PLD5: variants seen among roughly 807,000 people sequenced by gnomAD.
PLD5 encodes inactive phospholipase D5.
A neutral mutation model predicts 61.1 loss-of-function variants in PLD5; 36 were observed. That is an observed-to-expected ratio of 0.59 (90% CI 0.45 to 0.78). The LOEUF is 0.78. PLD5 is among the 30% of genes least tolerant of loss of function. The pLI, the probability that PLD5 is intolerant of heterozygous loss-of-function variation, is 0.00. For missense variants in PLD5, 515 were observed against 644.4 expected, an observed-to-expected ratio of 0.80 and a Z score of 2.17; for synonymous variants, 243 against 242.8, an observed-to-expected ratio of 1.00 and a Z score of -0.01.
At chr1:242,263,914 G>A (rs1673510137) in intron 4 of PLD5, among the ~76,000 whole-genome samples, 1 of 152,296 alleles carries the variant, frequency 6.6e-6, no homozygotes, top group Non-Finnish European at 1.5e-5. Flanking sequence ...TTTAACTTTT[G>A]GTTGAGTTTA....
chr1:242,176,488 A>T (rs74508736), intron 5 of PLD5, among the ~76,000 whole-genome samples: 1 of 152,246 alleles, frequency 6.6e-6, no homozygotes, highest in Admixed American at 6.5e-5. Context: ...AAATCCTAGA[A>T]GAAAACCTAG....
At chr1:242,186,183 CT>C (rs398050176) in intron 5 of PLD5, among the ~76,000 whole-genome samples, 16,151 of 139,032 alleles carry the variant, frequency 0.12, 1,115 homozygotes, top group South Asian at 0.26. Flanking sequence ...TATATATATA[CT>C]TTTTTTTTTC....
At chr1:242,093,002 C>T (rs1292550898) in intron 9 of PLD5, among the ~76,000 whole-genome samples, 2 of 152,186 alleles carry the variant, frequency 1.3e-5, no homozygotes, top group African/African-American at 2.4e-5. Flanking sequence ...CCCAACCCAT[C>T]ATCTGCCCCC....
intron 1 of PLD5, among the ~76,000 whole-genome samples, chr1:242,358,710 T>C (rs1419979098): frequency 6.6e-6 from 1 of 152,156 alleles, no homozygotes; most frequent in Non-Finnish European, 1.5e-5. Context: ...CTAAAGTTAA[T>C]TGGATTGTGA....
At position 242,085,067 on chromosome 1, in the gene PLD5, A is replaced by G. The variant is rs1354658128; in HGVS notation, c.*4787T>C. 1 of 151,946 alleles carries G rather than the reference A, an allele frequency of 6.6e-6. No individual in the cohort carries two copies. Among genetic ancestry groups the G allele is most frequent in the Non-Finnish European group, 1.5e-5 (1 of 67,984 alleles). The allele number at this position is 151,946 out of a possible 1,614,324, so 9.4% of individuals were successfully genotyped here. A position where few individuals can be genotyped will look rare whatever the true frequency, so the allele number is the denominator to read the frequency against. Reference sequence around the variant, plus strand: ...TCCCCCAAATTCAACCCTTTATCAAACCCATTTATTTAGGGATCTTAAGGT... The same window carrying G: ...TCCCCCAAATTCAACCCTTTATCAAGCCCATTTATTTAGGGATCTTAAGGT... On this transcript the variant is annotated 3_prime_UTR_variant, in exon 10 of 10. Transcript: ENST00000536534.
intron 5 of PLD5, among the ~76,000 whole-genome samples, chr1:242,155,580 T>A (rs1239031345): frequency 1.3e-5 from 2 of 152,204 alleles, no homozygotes; most frequent in Admixed American, 1.3e-4. Flanking sequence ...CAAGACCATC[T>A]TTATTTCTGC....
At chr1:242,379,216 C>T (rs1005912201) in intron 1 of PLD5, among the ~76,000 whole-genome samples, 1 of 152,106 alleles carries the variant, frequency 6.6e-6, no homozygotes, top group Non-Finnish European at 1.5e-5. Context: ...CTGAGGCCAC[C>T]CACATTCAGA....
At chr1:242,394,206 GTA>G (rs1285854255) in intron 1 of PLD5, among the ~76,000 whole-genome samples, 1 of 37,334 alleles carries the variant, frequency 2.7e-5, no homozygotes, top group East Asian at 6.6e-4. Flanking sequence ...ATATATATGT[GTA>G]TATGAGTATA....
At chr1:242,163,292 C>T (rs553980852) in intron 5 of PLD5, among the ~76,000 whole-genome samples, 15 of 151,910 alleles carry the variant, frequency 9.9e-5, no homozygotes, top group South Asian at 4.2e-4. Context: ...TACAGGCGCC[C>T]GCCACCACGC....
intron 2 of PLD5, among the ~76,000 whole-genome samples, chr1:242,333,331 T>A (rs147021007): frequency 6.6e-6 from 1 of 152,094 alleles, no homozygotes; most frequent in Admixed American, 6.5e-5. Flanking sequence ...AGGATTTACA[T>A]CTTAAAGGCT....
At position 242,291,623 on chromosome 1, in the gene PLD5, G is replaced by A. The variant is rs149118253; in HGVS notation, c.327-3093C>T. 6.4e-3 allele frequency among the ~76,000 whole-genome samples: 970 copies of A among 152,076 alleles called. 11 individuals are homozygous for A. Among genetic ancestry groups the A allele is most frequent in the African/African-American group, 0.022 (912 of 41,484 alleles). Reference sequence around the variant, plus strand: ...AAATTGAGACCATCTTGGCTAACACGGTGAAACCCCGTCTCTACTAAAAAT... The same window carrying A: ...AAATTGAGACCATCTTGGCTAACACAGTGAAACCCCGTCTCTACTAAAAAT... On this transcript the variant is annotated intron_variant, in intron 2 of 9. Coordinates refer to ENST00000536534, the MANE Select transcript of PLD5 (RefSeq NM_001372062.1).
rs893692905 is a variant in PLD5, at chr1:242,446,098, G to A, written c.189+77990C>T. On this transcript the variant is annotated intron_variant, in intron 1 of 9. Transcript: ENST00000536534. ...AGAGAAGAAAGCTAAGAATTAAAAAGGTTTTAAAATTACTGTCCAAAATCA... is the reference window on the plus strand; with the variant it reads ...AGAGAAGAAAGCTAAGAATTAAAAAAGTTTTAAAATTACTGTCCAAAATCA... Among the ~76,000 whole-genome samples the A allele has an allele frequency of 2.6e-5, 4 of 151,908 alleles. No homozygotes were observed. The South Asian group carries it at 8.3e-4, about 32-fold the overall frequency.
chr1:242,297,815 A>C (rs992073583), intron 2 of PLD5, among the ~76,000 whole-genome samples: 6 of 149,122 alleles, frequency 4.0e-5, no homozygotes, highest in South Asian at 4.3e-4. Flanking sequence ...AATTTTTTGT[A>C]TTTTTAGTAG....
chr1:242,333,386 A>T (rs1327228976), intron 2 of PLD5, among the ~76,000 whole-genome samples: 3 of 152,196 alleles, frequency 2.0e-5, no homozygotes, highest in Admixed American at 2.0e-4. Flanking sequence ...TGAGGAGTGA[A>T]ATCAGTGGAG....
intron 1 of PLD5, among the ~76,000 whole-genome samples, chr1:242,493,524 A>G (rs1668242403): frequency 6.6e-6 from 1 of 152,206 alleles, no homozygotes; most frequent in Non-Finnish European, 1.5e-5. Flanking sequence ...GAGGACTGGT[A>G]GAAGCCAGGG....
intron 2 of PLD5, among the ~76,000 whole-genome samples, chr1:242,343,681 T>G (rs1180979224): frequency 6.6e-6 from 1 of 151,116 alleles, no homozygotes; most frequent in Non-Finnish European, 1.5e-5. Flanking sequence ...TATGAGGGCC[T>G]GGACCAATGG....
chr1:242,244,073 C>T (rs1024146405), intron 4 of PLD5, among the ~76,000 whole-genome samples: 1 of 152,110 alleles, frequency 6.6e-6, no homozygotes, highest in Admixed American at 6.5e-5. Context: ...AATAAATATG[C>T]CTTCCATTTA....
intron 4 of PLD5, among the ~76,000 whole-genome samples, chr1:242,263,090 A>C (rs1310112631): frequency 6.6e-6 from 1 of 152,100 alleles, no homozygotes; most frequent in Non-Finnish European, 1.5e-5. Context: ...AATGACCTGC[A>C]CACCACCCGT....
At chr1:242,217,980 G>T (rs1670318208) in intron 5 of PLD5, among the ~76,000 whole-genome samples, 1 of 152,222 alleles carries the variant, frequency 6.6e-6, no homozygotes, top group Non-Finnish European at 1.5e-5. Context: ...TAAAGCAGTG[G>T]AAGGGATTGA....
Sources: allele counts gnomAD v4.1 joint callset (sites outside exome capture counted in the v4.1 genomes callset), GRCh38; gene constraint gnomAD v4.1.1; transcripts MANE v1.5; gene names NCBI Gene and HGNC (gene_info 2026-07-23, HGNC 2026-07-21).